NCAPD2: variants seen among roughly 807,000 people sequenced by gnomAD.
The protein encoded by NCAPD2 is condensin complex subunit 1.
In NCAPD2, 100 loss-of-function variants were observed where a neutral mutation model predicts 164.5. That is an observed-to-expected ratio of 0.61 (90% CI 0.52 to 0.72). The LOEUF (loss-of-function observed/expected upper bound fraction) is 0.72, where lower values mean the gene tolerates loss of function less well. Among genes scored for constraint, NCAPD2 ranks in the 30% least tolerant of loss-of-function variants. The pLI is 0.00. For synonymous variants in NCAPD2, 585 were observed against 642.6 expected (o/e 0.91, Z 1.36); for missense variants, 1,560 against 1,749.2 (o/e 0.89, Z 1.93).
chr12:6,500,410 A>T (rs1199306066), intron 2 of NCAPD2, among the ~76,000 whole-genome samples: 1 of 152,224 alleles, frequency 6.6e-6, no homozygotes, highest in Non-Finnish European at 1.5e-5. Flanking sequence ...AGGGAAGAGC[A>T]TTCCAAGCAA....
intron 13 of NCAPD2, among the ~76,000 whole-genome samples, chr12:6,518,516 T>TGTTTTTTG (rs1204120574): frequency 2.7e-5 from 3 of 110,418 alleles, no homozygotes; most frequent in East Asian, 4.9e-4. Flanking sequence ...TTTTTTTTTT[T>TGTTTTTTG]TTTTTTTTTT....
chr12:6,522,979 C>T lies in NCAPD2; in HGVS notation c.2106C>T (p.Leu702=). ...TTAATGCCTACCGCCAACTCTACCT[C>T]AACCCCAAAGGGGACTCTGCCAGGT... ...AVLNAYRQLY[L]NPKGDSARAK... Residue 702 remains leucine, a synonymous_variant, in exon 16 of 32, where the codon CTC becomes CTT. Coordinates refer to ENST00000315579, the MANE Select transcript of NCAPD2 (RefSeq NM_014865.4). 1 of 1,614,220 alleles carries T rather than the reference C, an allele frequency of 6.2e-7. No homozygotes were observed. Among genetic ancestry groups the T allele is most frequent in the Non-Finnish European group, 8.5e-7 (1 of 1,180,038 alleles).
In NCAPD2 at chr12:6,526,495, G is replaced by A. The variant is rs775910125; in HGVS notation, c.2614G>A (p.Val872Met). Residue 872 changes from valine to methionine, a missense_variant, in exon 21 of 32, where the codon GTG (valine) becomes ATG (methionine). Coordinates refer to ENST00000315579, the MANE Select transcript of NCAPD2 (RefSeq NM_014865.4). The stretch of plus-strand genomic sequence containing the variant: ...CTGGATCCCATTCAAAGAGGTGGCA[G>A]TGACCCTCATTTACCAACTGGCAGA... ...PLWIPFKEVA[V>M]TLIYQLAEGP... is the part of the protein sequence containing the mutation. 2.5e-6 allele frequency: 4 copies of A among 1,614,200 alleles called. No homozygotes were observed. In the South Asian group the frequency reaches 4.4e-5, roughly 18 times the overall value.
At chr12:6,522,720 AT>A (rs1193430931) in intron 15 of NCAPD2, 107 bp from the exon 16 acceptor site, 6 of 1,238,910 alleles carry the variant, frequency 4.8e-6, no homozygotes, top group Non-Finnish European at 6.9e-6. Flanking sequence ...CTCAGGGAAA[AT>A]GCGGAAGGCC....
rs1946338775 is a variant in NCAPD2 at position 6,528,528 on chromosome 12, C to T, written c.3300-151C>T. 3 of 1,152,504 alleles carry T rather than the reference C, an allele frequency of 2.6e-6. No individual in the cohort carries two copies. Among genetic ancestry groups the T allele is most frequent in the Non-Finnish European group, 3.7e-6 (3 of 816,746 alleles). The allele number at this position is 1,152,504 out of a possible 1,614,324, so 71.4% of individuals were successfully genotyped here. On this transcript the variant is annotated intron_variant, in intron 25 of 31. Coordinates refer to ENST00000315579, the MANE Select transcript of NCAPD2 (RefSeq NM_014865.4). This position sits in a 1 kb window ranked among gnomAD's most constrained non-coding sequence, Gnocchi z 5.1. ...TCTGGTTAGAAGCTTCACCTCTTTCCCCCACTCCAGCTTTCAACTCTAGAC... is the reference window on the plus strand; with the variant it reads ...TCTGGTTAGAAGCTTCACCTCTTTCTCCCACTCCAGCTTTCAACTCTAGAC...
chr12:6,515,206 T>C (rs1434273643), intron 9 of NCAPD2, among the ~76,000 whole-genome samples: 1 of 152,074 alleles, frequency 6.6e-6, no homozygotes, highest in Non-Finnish European at 1.5e-5. Flanking sequence ...TTTTTTTTTT[T>C]CTTGGAGGTA....
intron 13 of NCAPD2, 28 bp from the exon 14 acceptor site, chr12:6,520,958 G>A (rs1946257798): frequency 6.2e-7 from 1 of 1,613,044 alleles, no homozygotes; most frequent in African/African-American, 1.3e-5. Context: ...ACATTCTTCT[G>A]GGTACTGACA....
chr12:6,501,519 G>A (rs151294018), intron 2 of NCAPD2, among the ~76,000 whole-genome samples: 48 of 152,304 alleles, frequency 3.2e-4, no homozygotes, highest in Middle Eastern at 3.4e-3. Flanking sequence ...GCAACTAGAA[G>A]AATGAAGTTG....
intron 1 of NCAPD2, 110 bp downstream of exon 1, chr12:6,494,264 C>T (rs184484189): frequency 1.3e-5 from 2 of 152,022 alleles, no homozygotes; most frequent in East Asian, 1.9e-4. Context: ...CCCTGGGGCG[C>T]GATGTGTGAG....
At chr12:6,510,486 T>C (rs746832293) in intron 4 of NCAPD2, 143 bp from the exon 5 acceptor site, 1 of 982,716 alleles carries the variant, frequency 1.0e-6, no homozygotes, top group Non-Finnish European at 1.6e-6. Context: ...CCAAGGGTCC[T>C]AAAGGACTTA....
In NCAPD2 at chr12:6,526,191, C is replaced by T; in HGVS notation, c.2472C>T (p.Asp824=). Residue 824 remains aspartate, a synonymous_variant, in exon 19 of 32, where the codon GAC becomes GAT. Transcript: ENST00000315579. The stretch of plus-strand genomic sequence containing the variant: ...GCCATGCCATTGCCAACATCTCGGA[C>T]AGGAGAAAGGTATGTGGGGGTGGTT... ...QVCHAIANIS[D]RRKPSLGKRH... 1 of 1,614,176 alleles carries T rather than the reference C, an allele frequency of 6.2e-7. No homozygotes were observed. The highest frequency in any genetic ancestry group is 1.3e-5 in the African/African-American group (1 of 75,028).
intron 2 of NCAPD2, among the ~76,000 whole-genome samples, chr12:6,500,014 T>C (rs1946020634): frequency 6.6e-6 from 1 of 152,092 alleles, no homozygotes; most frequent in Non-Finnish European, 1.5e-5. Context: ...TTCCAGCTAC[T>C]TGGGAGGCTG....
chr12:6,510,675 A>G lies in NCAPD2; in HGVS notation c.309A>G (p.Thr103=), dbSNP rs1202204362. ...SQELPAILDD[T]TLSGSDRNAH... is the part of the protein sequence containing the mutation. ...AGCTTCCAGCTATCCTGGATGATAC[A>G]ACTTTGAGTGGATCAGATAGAAACG... The change falls in exon 5 of 32, where the codon ACA becomes ACG. Residue 103 remains threonine (T), a synonymous_variant. Transcript: ENST00000315579. 6.2e-7 allele frequency: 1 copy of G among 1,614,102 alleles called. No individual in the cohort carries two copies. The highest frequency in any genetic ancestry group is 1.3e-5 in the African/African-American group (1 of 74,922).
rs375481963 is a variant in NCAPD2 at position 6,506,972 on chromosome 12, A to C, written c.128-2745A>C. Among the ~76,000 whole-genome samples the C allele has an allele frequency of 1.7e-3, 264 of 152,368 alleles. 7 individuals are homozygous for C. In the South Asian group the frequency reaches 0.039, roughly 23 times the overall value. The stretch of plus-strand genomic sequence containing the variant: ...ATACATAGGTGCCTTACTTTTCTCC[A>C]GTGAGAGGGCCTAAAGGCAGTAATA... On this transcript the variant is annotated intron_variant, in intron 2 of 31. Coordinates refer to ENST00000315579, the MANE Select transcript of NCAPD2 (RefSeq NM_014865.4).
chr12:6,514,755 G>A lies in NCAPD2; in HGVS notation c.840-18G>A. 6.2e-7 allele frequency: 1 copy of A among 1,613,830 alleles called. No individual in the cohort carries two copies. The highest frequency in any genetic ancestry group is 1.3e-5 in the African/African-American group (1 of 75,046). ...AATTGATCTATGTTGCTATGGCTGT[G>A]TTTTCTTCCCTGTGTAGAGAGATTG... On this transcript the variant is annotated intron_variant, in intron 8 of 31. Coordinates refer to ENST00000315579, the MANE Select transcript of NCAPD2 (RefSeq NM_014865.4).
Position 6,526,435 on chromosome 12 carries a change from T to A in NCAPD2, c.2567-13T>A, listed in dbSNP as rs751496547. ...TTTGTTGCAGTAAACAACTTCTCCC[T>A]CCTCCTCTGCAGGCTTTGTCCACCC... On this transcript the variant is annotated splice_polypyrimidine_tract_variant and intron_variant, in intron 20 of 31. Coordinates refer to ENST00000315579, the MANE Select transcript of NCAPD2 (RefSeq NM_014865.4). 6.2e-7 allele frequency: 1 copy of A among 1,613,912 alleles called. No individual in the cohort carries two copies. The highest frequency in any genetic ancestry group is 8.5e-7 in the Non-Finnish European group (1 of 1,179,868).
At chr12:6,497,352 T>C (rs1592163310) in intron 2 of NCAPD2, among the ~76,000 whole-genome samples, 1 of 151,742 alleles carries the variant, frequency 6.6e-6, no homozygotes. Context: ...GTTTGTTACA[T>C]AGGTAAACGT....
At chr12:6,513,514 C>CA (rs1237021152) in intron 6 of NCAPD2, among the ~76,000 whole-genome samples, 3 of 150,902 alleles carry the variant, frequency 2.0e-5, no homozygotes, top group East Asian at 1.9e-4. Context: ...GACCCTGTCT[C>CA]AAAAAAAAGA....
chr12:6,528,371 C>T lies in NCAPD2; in HGVS notation c.3299+43C>T, dbSNP rs767013878. ...ACGTGGTGGCAGTTCCCAGGAGCCCCGGAGTCTGTTGAGAGTCAGTGTGAG... is the reference window on the plus strand; with the variant it reads ...ACGTGGTGGCAGTTCCCAGGAGCCCTGGAGTCTGTTGAGAGTCAGTGTGAG... On this transcript the variant is annotated intron_variant, in intron 25 of 31. Transcript: ENST00000315579. This position sits in a 1 kb window ranked among gnomAD's most constrained non-coding sequence, Gnocchi z 5.1. 1.1e-5 allele frequency: 18 copies of T among 1,610,728 alleles called. No individual in the cohort carries two copies. Among genetic ancestry groups the T allele is most frequent in the African/African-American group, 9.4e-5 (7 of 74,822 alleles).
Sources: gnomAD v4.1 joint callset for allele counts (sites outside exome capture counted in the v4.1 genomes callset) on GRCh38, gnomAD v4.1.1 for gene constraint, Gnocchi (gnomAD v3.1) non-coding constraint, MANE v1.5 for transcripts, NCBI Gene and HGNC (gene_info 2026-07-23, HGNC 2026-07-21) for gene names.